Variants in RALGAPA2 observed in about 807,000 individuals in gnomAD.
RALGAPA2 encodes Ral GTPase activating protein catalytic subunit alpha 2.
RALGAPA2 carries 139 observed loss-of-function variants against 230.4 expected under a neutral mutation model. The observed-to-expected ratio is 0.60, with a 90% CI of 0.53 to 0.69. The LOEUF (loss-of-function observed/expected upper bound fraction) is 0.69, where lower values mean the gene tolerates loss of function less well. Among genes scored for constraint, RALGAPA2 ranks in the 30% least tolerant of loss-of-function variants. The probability of loss-of-function intolerance (pLI) is 0.00; values close to 1 mark genes in which losing one functional copy is unlikely to be tolerated. For synonymous variants in RALGAPA2, 847 were observed against 837.8 expected (o/e 1.01, Z -0.19); for missense variants, 2,163 against 2,276.0 (o/e 0.95, Z 1.01).
intron 38 of RALGAPA2, 35 bp downstream of exon 38, chr20:20,411,992 T>C (rs2060070062): frequency 6.2e-7 from 1 of 1,612,994 alleles, no homozygotes; most frequent in Non-Finnish European, 8.5e-7. Context: ...GAATGCGTCT[T>C]AAGCGCGTGA....
At chr20:20,480,488 T>A (rs1260950623) in intron 36 of RALGAPA2, among the ~76,000 whole-genome samples, 1 of 152,196 alleles carries the variant, frequency 6.6e-6, no homozygotes, top group Non-Finnish European at 1.5e-5. Context: ...ATGATGATAG[T>A]CTCTGACTTT....
intron 20 of RALGAPA2, among the ~76,000 whole-genome samples, chr20:20,577,182 T>G (rs1440906204): frequency 2.6e-5 from 4 of 152,088 alleles, no homozygotes; most frequent in African/African-American, 9.7e-5. Context: ...TAAGGCCTAA[T>G]CAAAGAAACT....
chr20:20,424,750 A>G (rs2060345641), intron 37 of RALGAPA2, among the ~76,000 whole-genome samples: 1 of 152,192 alleles, frequency 6.6e-6, no homozygotes, highest in African/African-American at 2.4e-5. Flanking sequence ...ATATATACAT[A>G]TGTAACTAAT....
rs558467470 is a variant in RALGAPA2 at position 20,563,826 on chromosome 20, A to AAC, written c.3156+7630_3156+7631dup. Among the ~76,000 whole-genome samples the AAC allele has an allele frequency of 9.1e-3, 1,372 of 151,032 alleles. 6 individuals are homozygous for AAC. The highest frequency in any genetic ancestry group is 0.014 in the Non-Finnish European group (973 of 67,562). On this transcript the variant is annotated intron_variant, in intron 23 of 39. Transcript: ENST00000202677. The stretch of plus-strand genomic sequence containing the variant: ...CCAACATATTTCTCACACACAGACA[A>AAC]ACACACACACACACACATGCACAAA...
intron 1 of RALGAPA2, among the ~76,000 whole-genome samples, chr20:20,710,599 A>G (rs2069816397): frequency 1.3e-5 from 2 of 152,378 alleles, no homozygotes; most frequent in Admixed American, 1.3e-4. Context: ...TCCATGTTAC[A>G]AAACTGAGGT....
intron 1 of RALGAPA2, among the ~76,000 whole-genome samples, chr20:20,699,397 G>A (rs745456524): frequency 2.0e-5 from 3 of 152,158 alleles, no homozygotes; most frequent in Non-Finnish European, 2.9e-5. Flanking sequence ...GCTATACCAC[G>A]TCAAGCCTAA....
chr20:20,525,302 C>T, intron 28 of RALGAPA2, among the ~76,000 whole-genome samples: 1 of 152,172 alleles, frequency 6.6e-6, no homozygotes, highest in Admixed American at 6.5e-5. Context: ...GTAAACAGCA[C>T]CCCTTTTATT....
At chr20:20,700,692 C>T (rs746083967) in intron 1 of RALGAPA2, among the ~76,000 whole-genome samples, 16 of 152,228 alleles carry the variant, frequency 1.1e-4, no homozygotes, top group Non-Finnish European at 2.1e-4. Context: ...TTTACGAACA[C>T]CAATCTCTTC....
intron 10 of RALGAPA2, among the ~76,000 whole-genome samples, chr20:20,621,909 C>A (rs991442907): frequency 2.0e-5 from 3 of 152,188 alleles, no homozygotes; most frequent in Non-Finnish European, 4.4e-5. Flanking sequence ...AGCCACAAAT[C>A]CAGGTCTTGG....
chr20:20,541,698 ACT>A (rs778056620), intron 24 of RALGAPA2, among the ~76,000 whole-genome samples: 1 of 152,202 alleles, frequency 6.6e-6, no homozygotes, highest in Non-Finnish European at 1.5e-5. Flanking sequence ...TTGGACCACC[ACT>A]GACTGTGGTA....
At chr20:20,450,034 A>G (rs1221704498) in intron 37 of RALGAPA2, among the ~76,000 whole-genome samples, 3 of 152,064 alleles carry the variant, frequency 2.0e-5, no homozygotes, top group Non-Finnish European at 4.4e-5. Context: ...CTGGGCTTTG[A>G]TTTTCTCTTT....
At chr20:20,506,276 C>A (rs1308187035) in intron 33 of RALGAPA2, among the ~76,000 whole-genome samples, 1 of 152,072 alleles carries the variant, frequency 6.6e-6, no homozygotes, top group Non-Finnish European at 1.5e-5. Context: ...AAAAAAGAAG[C>A]CCTGCCATTT....
At chr20:20,636,293 T>C (rs1221283516) in intron 8 of RALGAPA2, among the ~76,000 whole-genome samples, 1 of 152,212 alleles carries the variant, frequency 6.6e-6, no homozygotes, top group Non-Finnish European at 1.5e-5. Context: ...CAACTCTCTA[T>C]CTTAATAATT....
chr20:20,692,075 A>C (rs1464483641), intron 1 of RALGAPA2, among the ~76,000 whole-genome samples: 1 of 152,160 alleles, frequency 6.6e-6, no homozygotes, highest in Non-Finnish European at 1.5e-5. Context: ...CCCTCAAAAG[A>C]GGAAGATGCT....
Position 20,712,330 on chromosome 20 carries a change from C to T in RALGAPA2, c.106+45G>A. 3 of 1,470,292 alleles carry T rather than the reference C, an allele frequency of 2.0e-6. No homozygotes were observed. The highest frequency in any genetic ancestry group is 2.9e-5 in the East Asian group (1 of 34,524). 91.1% of individuals were successfully genotyped at this position (1,470,292 alleles called of 1,614,324 possible). On this transcript the variant is annotated intron_variant, in intron 1 of 39. Transcript: ENST00000202677. The surrounding 1 kb of genome is among the most constrained non-coding windows in gnomAD (Gnocchi z 5.5). ...CAGAGGAGCGCCCTCCCGGCAGGTG[C>T]CCCTAACCCGGCGCCCCGACCCCCG... is the stretch of plus-strand genomic sequence containing the variant.
At chr20:20,484,286 A>C (rs1295741011) in intron 36 of RALGAPA2, among the ~76,000 whole-genome samples, 1 of 152,202 alleles carries the variant, frequency 6.6e-6, no homozygotes, top group Non-Finnish European at 1.5e-5. Flanking sequence ...GAAAAGTAAA[A>C]TGTGTTCAAT....
At chr20:20,653,749 C>T (rs565433064) in intron 3 of RALGAPA2, among the ~76,000 whole-genome samples, 162 bp from the exon 4 acceptor site, 1 of 152,242 alleles carries the variant, frequency 6.6e-6, no homozygotes, top group South Asian at 2.1e-4. Context: ...GAGATAGTTT[C>T]TTTCACTTGC....
At chr20:20,435,674 G>A (rs2060594939) in intron 37 of RALGAPA2, among the ~76,000 whole-genome samples, 1 of 152,214 alleles carries the variant, frequency 6.6e-6, no homozygotes, top group East Asian at 1.9e-4. Flanking sequence ...ATGTGGCACA[G>A]TGTGATTTTT....
chr20:20,565,973 G>A (rs533564862), intron 23 of RALGAPA2, among the ~76,000 whole-genome samples: 14 of 152,288 alleles, frequency 9.2e-5, no homozygotes, highest in African/African-American at 3.4e-4. Flanking sequence ...AGAAGTGCCA[G>A]GGAACCAATC....
Sources: gnomAD v4.1 joint callset for allele counts (sites outside exome capture counted in the v4.1 genomes callset) on GRCh38, gnomAD v4.1.1 for gene constraint, Gnocchi (gnomAD v3.1) non-coding constraint, MANE v1.5 for transcripts, NCBI Gene and HGNC (gene_info 2026-07-23, HGNC 2026-07-21) for gene names.